The following PIGX variants were observed in gnomAD, a reference collection of about 807,000 sequenced individuals.
The protein encoded by PIGX is GPI alpha-1,4-mannosyltransferase I, stabilizing subunit.
Under a neutral mutation model 28.7 loss-of-function variants are expected in PIGX, and 24 were observed. That is an observed-to-expected ratio of 0.84 (90% CI 0.60 to 1.17). PIGX has a LOEUF of 1.17. PIGX is among the 50% of genes most tolerant of loss of function. The pLI is 0.00. For synonymous variants in PIGX, 127 were observed against 121.0 expected (o/e 1.05, Z -0.33); for missense variants, 305 against 317.8 (o/e 0.96, Z 0.31).
chr3:196,715,685 G>T (rs913662615), intron 1 of PIGX, among the ~76,000 whole-genome samples: 2 of 152,094 alleles, frequency 1.3e-5, no homozygotes, highest in Admixed American at 6.5e-5. Flanking sequence ...ATGTGTTTGG[G>T]GTTTGTTTGT....
intron 4 of PIGX, chr3:196,728,356 C>T (rs1712610263): frequency 1.7e-6 from 1 of 590,766 alleles, no homozygotes; most frequent in Non-Finnish European, 3.0e-6. Context: ...AAGAAACATG[C>T]ATCTGCCATC....
At chr3:196,732,779 T>C (rs1712866398) in intron 5 of PIGX, among the ~76,000 whole-genome samples, 1 of 152,206 alleles carries the variant, frequency 6.6e-6, no homozygotes. Context: ...AAAGAAAAAG[T>C]ATTCCCAAGT....
At chr3:196,715,507 G>A (rs1159260185) in intron 1 of PIGX, among the ~76,000 whole-genome samples, 1 of 152,192 alleles carries the variant, frequency 6.6e-6, no homozygotes. Flanking sequence ...GATCTAGCAT[G>A]TTAGATATTA....
intron 2 of PIGX, 90 bp from the exon 3 acceptor site, chr3:196,722,325 A>G: frequency 1.1e-6 from 1 of 904,360 alleles, no homozygotes; most frequent in Non-Finnish European, 1.7e-6. Context: ...ATTTTGAAAT[A>G]CAGTGTTTTC....
rs927276170 is a variant in PIGX, at chr3:196,735,660, G to C, written c.*1758G>C. 1.3e-5 allele frequency: 2 copies of C among 152,078 alleles called. No individual in the cohort carries two copies. The highest frequency in any genetic ancestry group is 4.8e-5 in the African/African-American group (2 of 41,402). 9.4% of individuals were successfully genotyped at this position (152,078 alleles called of 1,614,324 possible). A position where few individuals can be genotyped will look rare whatever the true frequency, so the allele number is the denominator to read the frequency against. ...TTTCATACCTATTTCATGCTTTCTC[G>C]TAAGAAAGAATTTCATGTTTTAGAA... On this transcript the variant is annotated 3_prime_UTR_variant, in exon 6 of 6. Transcript: ENST00000392391.
intron 5 of PIGX, 152 bp downstream of exon 5, chr3:196,731,244 C>A (rs1712742562): frequency 2.6e-6 from 1 of 384,462 alleles, no homozygotes; most frequent in Non-Finnish European, 4.9e-6. Flanking sequence ...GTGGCACAAT[C>A]TCGGCTCACT....
Position 196,719,873 on chromosome 3 carries a change from TC to T in PIGX, c.177-2540del, listed in dbSNP as rs535515231. Among the ~76,000 whole-genome samples the T allele has an allele frequency of 6.6e-5, 10 of 152,264 alleles. No individual in the cohort carries two copies. The East Asian group carries it at 1.3e-3, about 21-fold the overall frequency. On this transcript the variant is annotated intron_variant, in intron 2 of 5. Transcript: ENST00000392391. ...GGCGCGATCTCGGCGCACTGCAACT[TC>T]CGATTCCCTGGTTCAAGTGATTCTT...
intron 1 of PIGX, among the ~76,000 whole-genome samples, chr3:196,715,209 T>A (rs575925298): frequency 5.9e-5 from 9 of 152,362 alleles, no homozygotes; most frequent in South Asian, 2.1e-4. Flanking sequence ...AAATACAATT[T>A]CTTTTTTGAG....
At chr3:196,732,238 A>ATT (rs1712806870) in intron 5 of PIGX, among the ~76,000 whole-genome samples, 1 of 57,956 alleles carries the variant, frequency 1.7e-5, no homozygotes, top group African/African-American at 8.5e-5. Context: ...ATATATATAT[A>ATT]TATATATATA....
Position 196,735,652 on chromosome 3 carries a change from G to C in PIGX, c.*1750G>C, listed in dbSNP as rs538881288. The C allele has an allele frequency of 6.6e-6, 1 of 152,292 alleles. No homozygotes were observed. Among genetic ancestry groups the C allele is most frequent in the Admixed American group, 6.5e-5 (1 of 15,286 alleles). 9.4% of individuals were successfully genotyped at this position (152,292 alleles called of 1,614,324 possible). On this transcript the variant is annotated 3_prime_UTR_variant, in exon 6 of 6. Coordinates refer to ENST00000392391, the MANE Select transcript of PIGX (RefSeq NM_017861.4). Reference sequence around the variant, plus strand: ...CAGTATAGTTTCATACCTATTTCATGCTTTCTCGTAAGAAAGAATTTCATG... The same window carrying C: ...CAGTATAGTTTCATACCTATTTCATCCTTTCTCGTAAGAAAGAATTTCATG...
chr3:196,719,446 C>T (rs1405069474), intron 2 of PIGX, among the ~76,000 whole-genome samples: 9 of 152,086 alleles, frequency 5.9e-5, no homozygotes, highest in Admixed American at 5.9e-4. Flanking sequence ...CGTCATTTAG[C>T]ATTAGGTTAA....
intron 2 of PIGX, among the ~76,000 whole-genome samples, chr3:196,719,362 G>A (rs1178529923): frequency 6.6e-6 from 1 of 151,570 alleles, no homozygotes; most frequent in Non-Finnish European, 1.5e-5. Flanking sequence ...TAAGTTCTAG[G>A]GTACATGTGC....
chr3:196,723,140 G>A lies in PIGX; in HGVS notation c.318+584G>A, dbSNP rs561233275. Among the ~76,000 whole-genome samples the A allele has an allele frequency of 3.3e-5, 5 of 152,234 alleles. No individual in the cohort carries two copies. In the East Asian group the frequency reaches 9.6e-4, roughly 29 times the overall value. On this transcript the variant is annotated intron_variant, in intron 3 of 5. Coordinates refer to ENST00000392391, the MANE Select transcript of PIGX (RefSeq NM_017861.4). The stretch of plus-strand genomic sequence containing the variant: ...GCAGATTGCCTGAGCTTGGGAATTC[G>A]AAACCAGCCTGGGCAACATGGCGAA...
intron 4 of PIGX, among the ~76,000 whole-genome samples, chr3:196,730,747 C>CA (rs965830812): frequency 0.033 from 1,298 of 39,658 alleles, 63 homozygotes; most frequent in African/African-American, 0.071. Context: ...GACTCTGTCT[C>CA]AAAAAAAAAA....
At chr3:196,731,135 T>G (rs1712734915) in intron 5 of PIGX, 43 bp downstream of exon 5, 1 of 1,088,648 alleles carries the variant, frequency 9.2e-7, no homozygotes, top group Admixed American at 1.8e-5. Context: ...ATGTGCCTCA[T>G]TTAAAGCTCT....
chr3:196,713,190 C>A, intron 1 of PIGX: 1 of 642,728 alleles, frequency 1.6e-6, no homozygotes, highest in Non-Finnish European at 1.9e-6. Flanking sequence ...GAGGATGTTT[C>A]TGTCATCCTT....
chr3:196,731,209 G>A (rs576950334), intron 5 of PIGX, 117 bp downstream of exon 5: 90 of 459,086 alleles, frequency 2.0e-4, no homozygotes, highest in Admixed American at 6.6e-4. Context: ...GCGGAGTCTC[G>A]CTCTGTCACC....
intron 2 of PIGX, chr3:196,721,219 A>T (rs1315234159): frequency 2.7e-6 from 1 of 371,496 alleles, no homozygotes; most frequent in Non-Finnish European, 5.2e-6. Context: ...ATATTGTTTA[A>T]AGGCCATGGA....
Position 196,727,945 on chromosome 3 carries a change from T to C in PIGX, c.341T>C (p.Phe114Ser). The change falls in exon 4 of 6, where the codon TTT becomes TCT. Residue 114 changes from phenylalanine (F) to serine (S), a missense_variant. Transcript: ENST00000392391. ...CAGGCAGTGATGGTTTCAGAAAATTTTGATATAGAGGCCCCTAACTATTTG... is the reference window on the plus strand; with the variant it reads ...CAGGCAGTGATGGTTTCAGAAAATTCTGATATAGAGGCCCCTAACTATTTG... The C allele has an allele frequency of 6.2e-7, 1 of 1,609,878 alleles. No individual in the cohort carries two copies.
Sources: gnomAD v4.1 joint callset for allele counts (sites outside exome capture counted in the v4.1 genomes callset) on GRCh38, gnomAD v4.1.1 for gene constraint, MANE v1.5 for transcripts, NCBI Gene and HGNC (gene_info 2026-07-23, HGNC 2026-07-21) for gene names.